NRF1: variants seen among roughly 807,000 people sequenced by gnomAD.
NRF1 encodes the protein alpha palindromic-binding protein.
A neutral mutation model predicts 58.5 loss-of-function variants in NRF1; 5 were observed. That is an observed-to-expected ratio of 0.09 (90% CI 0.04 to 0.18). The LOEUF is 0.18. NRF1 is among the 10% of genes least tolerant of loss of function. The probability of loss-of-function intolerance (pLI) is 1.00; values close to 1 mark genes in which losing one functional copy is unlikely to be tolerated. For synonymous variants in NRF1, 224 were observed against 246.7 expected (o/e 0.91, Z 0.86); for missense variants, 288 against 657.7 (o/e 0.44, Z 6.15).
At chr7:129,727,735 T>G (rs1158753983) in intron 10 of NRF1, among the ~76,000 whole-genome samples, 1 of 152,206 alleles carries the variant, frequency 6.6e-6, no homozygotes, top group African/African-American at 2.4e-5. Context: ...GACTCTCTCA[T>G]GGGCAGGACC....
intron 9 of NRF1, among the ~76,000 whole-genome samples, chr7:129,726,929 C>T (rs1035530479): frequency 5.9e-5 from 9 of 152,146 alleles, no homozygotes; most frequent in African/African-American, 2.2e-4. Flanking sequence ...CTTGCAAGCA[C>T]TCAGCTGATA....
chr7:129,745,606 G>A (rs1053608457), intron 10 of NRF1, among the ~76,000 whole-genome samples: 2 of 143,594 alleles, frequency 1.4e-5, no homozygotes, highest in African/African-American at 5.1e-5. Context: ...TATTCCACAA[G>A]CTTCAGCAGA....
intron 5 of NRF1, among the ~76,000 whole-genome samples, chr7:129,691,508 C>T (rs1322911584): frequency 6.6e-6 from 1 of 151,594 alleles, no homozygotes; most frequent in Non-Finnish European, 1.5e-5. Flanking sequence ...GTGCGGGCTA[C>T]CACACCTGGC....
chr7:129,634,482 G>A (rs1317255467), intron 1 of NRF1, among the ~76,000 whole-genome samples: 2 of 152,054 alleles, frequency 1.3e-5, no homozygotes, highest in African/African-American at 2.4e-5. Context: ...TAAGCAATAT[G>A]TATTTAATGG....
chr7:129,633,358 G>A (rs1801093856), intron 1 of NRF1: 3 of 152,182 alleles, frequency 2.0e-5, no homozygotes, highest in African/African-American at 7.2e-5. Context: ...ACTGTGGTGT[G>A]CTTATAATTT....
Position 129,640,360 on chromosome 7 carries a change from T to A in NRF1, c.-6-16986T>A, listed in dbSNP as rs113164437. Among the ~76,000 whole-genome samples the A allele has an allele frequency of 1.7e-3, 174 of 99,870 alleles. 1 individual carries two copies. The highest frequency in any genetic ancestry group is 5.9e-3 in the African/African-American group (163 of 27,630). The allele number at this position is 99,870 out of a possible 152,430, so 65.5% of individuals were successfully genotyped here. On this transcript the variant is annotated intron_variant, in intron 1 of 10. Transcript: ENST00000393232. ...GTGAGACCTGGTCCCTACAAAAAAA[T>A]TTTTTTAATTAGCTGGGCGTGGTGG...
At chr7:129,729,274 C>T (rs932093444) in intron 10 of NRF1, among the ~76,000 whole-genome samples, 6 of 152,296 alleles carry the variant, frequency 3.9e-5, no homozygotes, top group South Asian at 2.1e-4. Flanking sequence ...CAAGTAGAAC[C>T]GTTCAGCCAT....
At chr7:129,675,648 A>G (rs1802160573) in intron 3 of NRF1, among the ~76,000 whole-genome samples, 1 of 152,206 alleles carries the variant, frequency 6.6e-6, no homozygotes, top group Admixed American at 6.5e-5. Flanking sequence ...GTCAATGTGC[A>G]ACAATAGTTT....
chr7:129,615,273 C>T (rs936455351), intron 1 of NRF1, among the ~76,000 whole-genome samples: 10 of 152,182 alleles, frequency 6.6e-5, no homozygotes, highest in Admixed American at 6.5e-4. Flanking sequence ...TCACACAGTG[C>T]CACTGTGAAA....
intron 1 of NRF1, among the ~76,000 whole-genome samples, chr7:129,647,291 G>A (rs1801430798): frequency 6.6e-6 from 1 of 151,914 alleles, no homozygotes; most frequent in Non-Finnish European, 1.5e-5. Flanking sequence ...CTGGCCTCTC[G>A]GGATTACGGG....
At chr7:129,635,020 A>T (rs538682053) in intron 1 of NRF1, among the ~76,000 whole-genome samples, 1 of 151,860 alleles carries the variant, frequency 6.6e-6, no homozygotes, top group Non-Finnish European at 1.5e-5. Context: ...TTGCTTTACC[A>T]GTTCTGCTTT....
At chr7:129,751,319 G>A (rs569249986) in intron 10 of NRF1, among the ~76,000 whole-genome samples, 1 of 152,326 alleles carries the variant, frequency 6.6e-6, no homozygotes, top group South Asian at 2.1e-4. Context: ...TATATCCCGT[G>A]GGCCACTAGA....
intron 1 of NRF1, among the ~76,000 whole-genome samples, chr7:129,650,195 T>G (rs1338163354): frequency 6.6e-6 from 1 of 151,502 alleles, no homozygotes; most frequent in African/African-American, 2.4e-5. Context: ...TTAAATGAAG[T>G]ATTGACTAAT....
rs897262096 is a variant in NRF1 at position 129,748,693 on chromosome 7, C to T, written c.1349-6325C>T. Among the ~76,000 whole-genome samples, 4 of 151,890 alleles carry T rather than the reference C, an allele frequency of 2.6e-5. No individual in the cohort carries two copies. The South Asian group carries it at 8.3e-4, about 32-fold the overall frequency. ...TAATGTTTTTGATGGGATGGGATGG[C>T]TTTTGCCAAACAATATTTTAAGATG... On this transcript the variant is annotated intron_variant, in intron 10 of 10. Transcript: ENST00000393232.
chr7:129,688,068 C>A (rs901412196), intron 4 of NRF1, among the ~76,000 whole-genome samples: 1 of 152,146 alleles, frequency 6.6e-6, no homozygotes, highest in Non-Finnish European at 1.5e-5. Context: ...GAAGTAGTAA[C>A]CTAATGATTT....
chr7:129,683,282 G>A (rs1299332165), intron 4 of NRF1, among the ~76,000 whole-genome samples: 4 of 141,158 alleles, frequency 2.8e-5, no homozygotes, highest in African/African-American at 5.3e-5. Flanking sequence ...TTTCAATCAT[G>A]TGGAGAGTGT....
chr7:129,681,587 A>G (rs1802310589), intron 4 of NRF1, among the ~76,000 whole-genome samples: 1 of 152,104 alleles, frequency 6.6e-6, no homozygotes, highest in African/African-American at 2.4e-5. Context: ...TAATTTATTT[A>G]TTTAGAGACA....
intron 1 of NRF1, among the ~76,000 whole-genome samples, chr7:129,625,195 G>A (rs570883290): frequency 1.2e-4 from 19 of 152,204 alleles, no homozygotes; most frequent in African/African-American, 3.1e-4. Flanking sequence ...TCTCCTCTCC[G>A]TGTAATCTCT....
chr7:129,659,570 A>T (rs1243962227), intron 2 of NRF1, among the ~76,000 whole-genome samples: 2 of 152,122 alleles, frequency 1.3e-5, no homozygotes, highest in East Asian at 3.9e-4. Context: ...GGATGTTTTC[A>T]CTGAGTATGG....
Sources: gnomAD v4.1 joint callset for allele counts (sites outside exome capture counted in the v4.1 genomes callset) on GRCh38, gnomAD v4.1.1 for gene constraint, MANE v1.5 for transcripts, NCBI Gene and HGNC (gene_info 2026-07-23, HGNC 2026-07-21) for gene names.